TEX264: variants seen among roughly 807,000 people sequenced by gnomAD.
TEX264 encodes the protein testis expressed 264, ER-phagy receptor, also known as testis-expressed protein 264.
In TEX264, 13 loss-of-function variants were observed where a neutral mutation model predicts 23.4. The observed-to-expected ratio is 0.56, with a 90% CI of 0.36 to 0.88. The LOEUF is 0.88. TEX264 is among the 40% of genes least tolerant of loss of function. The pLI is 0.01. For synonymous variants in TEX264, 159 were observed against 170.0 expected (o/e 0.94, Z 0.50); for missense variants, 340 against 406.8 (o/e 0.84, Z 1.41).
intron 1 of TEX264, chr3:51,672,288 G>A (rs564005148): frequency 2.0e-5 from 3 of 152,320 alleles, no homozygotes; most frequent in African/African-American, 4.8e-5. Flanking sequence ...CTAAAAGTGA[G>A]CCTGGCATTT....
chr3:51,685,802 A>G (rs970005906), intron 3 of TEX264, among the ~76,000 whole-genome samples: 1 of 152,204 alleles, frequency 6.6e-6, no homozygotes, highest in African/African-American at 2.4e-5. Context: ...CATGAATCCC[A>G]TTGTGAGTGG....
At chr3:51,699,375 CTCATTCTA>C (rs750413406) in intron 3 of TEX264, 23 bp from the exon 4 acceptor site, 1 of 1,609,240 alleles carries the variant, frequency 6.2e-7, no homozygotes, top group Non-Finnish European at 8.5e-7. Flanking sequence ...CCCTGTAGGG[CTCATTCTA>C]CCTTTTGCCA....
Position 51,691,995 on chromosome 3 carries a change from G to T in TEX264, c.480+7361G>T, listed in dbSNP as rs1702844999. 6.6e-6 allele frequency among the ~76,000 whole-genome samples: 1 copy of T among 152,198 alleles called. No homozygotes were observed. The highest frequency in any genetic ancestry group is 2.1e-4 in the South Asian group (1 of 4,832). On this transcript the variant is annotated intron_variant, in intron 3 of 4. Transcript: ENST00000341333. This position sits in a 1 kb window ranked among gnomAD's most constrained non-coding sequence, Gnocchi z 4.4. Reference sequence around the variant, plus strand: ...CTCCCCTTTGTTGGCCTAGGCACTGGAACCTGCTCCTTAGCCTCTCTGGCT... The same window carrying T: ...CTCCCCTTTGTTGGCCTAGGCACTGTAACCTGCTCCTTAGCCTCTCTGGCT...
At chr3:51,677,169 G>A (rs1273348684) in intron 2 of TEX264, among the ~76,000 whole-genome samples, 5 of 152,234 alleles carry the variant, frequency 3.3e-5, no homozygotes, top group South Asian at 2.1e-4. Context: ...GATTCAGATA[G>A]TAGGAGAAAG....
intron 2 of TEX264, among the ~76,000 whole-genome samples, chr3:51,678,717 T>G (rs2106917860): frequency 6.6e-6 from 1 of 152,306 alleles, no homozygotes. Flanking sequence ...GTCATTTGGC[T>G]GGCATGACCA....
intron 2 of TEX264, 53 bp from the exon 3 acceptor site, chr3:51,684,360 C>T (rs1702536646): frequency 1.9e-6 from 3 of 1,561,290 alleles, no homozygotes; most frequent in Non-Finnish European, 2.6e-6. Flanking sequence ...GGAAGGAGGT[C>T]TGAGGGCCTC....
intron 2 of TEX264, among the ~76,000 whole-genome samples, chr3:51,681,080 T>C (rs1702414004): frequency 6.6e-6 from 1 of 152,178 alleles, no homozygotes; most frequent in Admixed American, 6.5e-5. Flanking sequence ...GGCTCCTCCT[T>C]AGGCCAGGGC....
chr3:51,674,670 C>T (rs1241165429), intron 2 of TEX264, 108 bp downstream of exon 2: 2 of 1,383,724 alleles, frequency 1.4e-6, no homozygotes, highest in Non-Finnish European at 2.0e-6. Flanking sequence ...AATCTTCAAG[C>T]TGGCCCTGCA....
chr3:51,681,028 G>A (rs541258846), intron 2 of TEX264, among the ~76,000 whole-genome samples: 1 of 152,188 alleles, frequency 6.6e-6, no homozygotes, highest in Non-Finnish European at 1.5e-5. Flanking sequence ...AACTTTGCAT[G>A]GGGCCACTTA....
chr3:51,700,540 C>T (rs1016879776), intron 4 of TEX264, among the ~76,000 whole-genome samples: 6 of 152,040 alleles, frequency 3.9e-5, no homozygotes, highest in Non-Finnish European at 5.9e-5. Context: ...TGGTAGTGCC[C>T]GGCAGACACT....
chr3:51,695,501 A>T (rs937857239), intron 3 of TEX264, among the ~76,000 whole-genome samples: 1 of 152,186 alleles, frequency 6.6e-6, no homozygotes, highest in Non-Finnish European at 1.5e-5. Context: ...CTGAATACAA[A>T]GCACTAAATG....
chr3:51,674,675 C>T (rs182569674), intron 2 of TEX264, 113 bp downstream of exon 2: 15 of 1,244,032 alleles, frequency 1.2e-5, no homozygotes, highest in Admixed American at 9.1e-5. Context: ...TCAAGCTGGC[C>T]CTGCAGACCC....
At chr3:51,676,295 T>C (rs1009067030) in intron 2 of TEX264, among the ~76,000 whole-genome samples, 2 of 152,194 alleles carry the variant, frequency 1.3e-5, no homozygotes, top group Non-Finnish European at 1.5e-5. Context: ...AGGTTGCCTC[T>C]TGGGTTGGAG....
intron 1 of TEX264, chr3:51,671,793 C>G (rs895781164): frequency 3.9e-5 from 6 of 152,330 alleles, no homozygotes; most frequent in African/African-American, 1.4e-4. Flanking sequence ...CTGCTAGCAC[C>G]GAAGTTTAGC....
intron 3 of TEX264, among the ~76,000 whole-genome samples, chr3:51,694,043 CT>C (rs1559680641): frequency 3.0e-4 from 39 of 130,614 alleles, no homozygotes; most frequent in African/African-American, 1.1e-3. Flanking sequence ...TCCTTCCTTC[CT>C]TCCTCCCTTC....
chr3:51,694,042 CCTT>C, intron 3 of TEX264, among the ~76,000 whole-genome samples: 2 of 130,260 alleles, frequency 1.5e-5, no homozygotes, highest in African/African-American at 6.0e-5. Flanking sequence ...TTCCTTCCTT[CCTT>C]CCTCCCTTCC....
At chr3:51,693,380 C>G (rs1289195508) in intron 3 of TEX264, among the ~76,000 whole-genome samples, 4 of 152,152 alleles carry the variant, frequency 2.6e-5, no homozygotes, top group African/African-American at 9.7e-5. Context: ...GCCTCCCTGG[C>G]TCCTCTGCCA....
intron 3 of TEX264, among the ~76,000 whole-genome samples, chr3:51,695,948 G>C (rs570343824): frequency 6.6e-6 from 1 of 152,308 alleles, no homozygotes; most frequent in East Asian, 1.9e-4. Flanking sequence ...GAAGACCCAG[G>C]TGGGAGGGAA....
chr3:51,673,290 C>T (rs1434921578), intron 1 of TEX264, among the ~76,000 whole-genome samples: 2 of 152,092 alleles, frequency 1.3e-5, no homozygotes, highest in African/African-American at 2.4e-5. Context: ...GTGATTTTTC[C>T]CCCCCGCCAG....
Sources: allele counts gnomAD v4.1 joint callset (sites outside exome capture counted in the v4.1 genomes callset), GRCh38; gene constraint gnomAD v4.1.1; non-coding constraint Gnocchi (gnomAD v3.1); transcripts MANE v1.5; gene names NCBI Gene and HGNC (gene_info 2026-07-23, HGNC 2026-07-21).